Variants in RABL2B observed in about 807,000 individuals in gnomAD.
RABL2B encodes the protein RAB, member of RAS oncogene family like 2B.
Under a neutral mutation model 26.7 loss-of-function variants are expected in RABL2B, and 17 were observed. That is an observed-to-expected ratio of 0.64 (90% CI 0.44 to 0.95). The LOEUF (loss-of-function observed/expected upper bound fraction) is 0.95. Among genes scored for constraint, RABL2B ranks in the 40% least tolerant of loss-of-function variants. The pLI, the probability that RABL2B is intolerant of heterozygous loss-of-function variation, is 0.00. For synonymous variants in RABL2B, 70 were observed against 103.9 expected (o/e 0.67, Z 1.99); for missense variants, 170 against 277.2 (o/e 0.61, Z 2.75).
rs1323583754 is a variant in RABL2B, at chr22:50,768,399, G to C, written c.*377C>G. The C allele has an allele frequency of 3.2e-6, 1 of 315,264 alleles. No homozygotes were observed. Among genetic ancestry groups the C allele is most frequent in the African/African-American group, 2.2e-5 (1 of 45,536 alleles). The allele number at this position is 315,264 out of a possible 1,614,324, so 19.5% of individuals were successfully genotyped here. A position where few individuals can be genotyped will look rare whatever the true frequency, so the allele number is the denominator to read the frequency against. ...GCCCAAGGAATTGTCCCCGAGGTGA[G>C]CTTTGGAAAGAAAACAAAAACAAAA... On this transcript the variant is annotated 3_prime_UTR_variant, in exon 9 of 9. Coordinates refer to ENST00000691320, the MANE Select transcript of RABL2B (RefSeq NM_001130919.3).
intron 5 of RABL2B, among the ~76,000 whole-genome samples, chr22:50,775,484 T>C (rs1555922740): frequency 6.6e-6 from 1 of 152,184 alleles, no homozygotes; most frequent in Non-Finnish European, 1.5e-5. Context: ...AGAGGGACGG[T>C]GGCCCTGTTT....
intron 2 of RABL2B, among the ~76,000 whole-genome samples, chr22:50,781,803 T>G (rs2085926821): frequency 6.6e-6 from 1 of 151,018 alleles, no homozygotes; most frequent in Non-Finnish European, 1.5e-5. Flanking sequence ...TTTCTCTATT[T>G]CAGAGAGTCC....
At chr22:50,781,409 A>AGAG (rs782739257) in intron 2 of RABL2B, among the ~76,000 whole-genome samples, 2 of 150,792 alleles carry the variant, frequency 1.3e-5, no homozygotes, top group Non-Finnish European at 3.0e-5. Context: ...GAAGAGAGAG[A>AGAG]GAGAGAGAGA....
At chr22:50,779,542 G>T (rs1432912388) in intron 2 of RABL2B, among the ~76,000 whole-genome samples, 5 of 150,024 alleles carry the variant, frequency 3.3e-5, no homozygotes, top group East Asian at 3.9e-4. Flanking sequence ...AGTTTTGGGT[G>T]GGGGGGGTGT....
chr22:50,768,545 C>T lies in RABL2B; in HGVS notation c.*231G>A, dbSNP rs1555915541. 4.5e-6 allele frequency: 5 copies of T among 1,104,968 alleles called. No individual in the cohort carries two copies. The highest frequency in any genetic ancestry group is 1.6e-5 in the African/African-American group (1 of 61,850). 68.4% of individuals were successfully genotyped at this position (1,104,968 alleles called of 1,614,324 possible). On this transcript the variant is annotated 3_prime_UTR_variant, in exon 9 of 9. Transcript: ENST00000691320. Reference sequence around the variant, plus strand: ...GGGGAAGGTGTTAATGATGCTGATCCCTACTTCTGCTTCAAGGAGATCTGG... The same window carrying T: ...GGGGAAGGTGTTAATGATGCTGATCTCTACTTCTGCTTCAAGGAGATCTGG...
At chr22:50,772,535 G>A in intron 5 of RABL2B, 1 of 992,022 alleles carries the variant, frequency 1.0e-6, no homozygotes, top group Non-Finnish European at 1.2e-6. Flanking sequence ...TGTAACCGCT[G>A]GCACAGCTGA....
At chr22:50,771,331 C>T (rs1277152105) in intron 5 of RABL2B, 9 of 150,420 alleles carry the variant, frequency 6.0e-5, no homozygotes, top group African/African-American at 2.2e-4. Context: ...AGTGCAGTGG[C>T]GCTATCTTGG....
At chr22:50,775,147 G>A (rs576783355) in intron 5 of RABL2B, among the ~76,000 whole-genome samples, 8 of 152,220 alleles carry the variant, frequency 5.3e-5, no homozygotes, top group Non-Finnish European at 1.0e-4. Context: ...GTGGTGGCCT[G>A]AGAACCCAGC....
At chr22:50,778,999 CAAAG>C (rs2085399986) in intron 2 of RABL2B, among the ~76,000 whole-genome samples, 1 of 151,100 alleles carries the variant, frequency 6.6e-6, no homozygotes, top group African/African-American at 2.4e-5. Flanking sequence ...GAAAATTACA[CAAAG>C]AAATTACCGC....
intron 5 of RABL2B, chr22:50,772,707 C>T: frequency 1.9e-6 from 2 of 1,047,600 alleles, no homozygotes; most frequent in Non-Finnish European, 2.3e-6. Flanking sequence ...TTCAATGAAT[C>T]ACCAGGTTGT....
At chr22:50,770,876 A>G (rs2146988197) in intron 5 of RABL2B, among the ~76,000 whole-genome samples, 1 of 147,938 alleles carries the variant, frequency 6.8e-6, no homozygotes, top group Non-Finnish European at 1.5e-5. Context: ...TCAGCCTCCC[A>G]AGTAGCACGC....
chr22:50,768,414 C>T lies in RABL2B; in HGVS notation c.*362G>A. On this transcript the variant is annotated 3_prime_UTR_variant, in exon 9 of 9. Transcript: ENST00000691320. ...CCCGAGGTGAGCTTTGGAAAGAAAA[C>T]AAAAACAAAAACAAAAACACCAAAA... The T allele has an allele frequency of 3.1e-6, 1 of 323,590 alleles. No homozygotes were observed. The highest frequency in any genetic ancestry group is 8.4e-5 in the East Asian group (1 of 11,970). 20.0% of individuals were successfully genotyped at this position (323,590 alleles called of 1,614,324 possible).
Position 50,768,764 on chromosome 22 carries a change from A to T in RABL2B, c.*12T>A, listed in dbSNP as rs781864259. The T allele has an allele frequency of 6.2e-7, 1 of 1,613,788 alleles. No individual in the cohort carries two copies. The highest frequency in any genetic ancestry group is 8.5e-7 in the Non-Finnish European group (1 of 1,179,838). Reference sequence around the variant, plus strand: ...TTTTAAAAGGGCTCCACCCACCCCTAGCCCCAGCCCCTCAGCTGTGGGGAG... The same window carrying T: ...TTTTAAAAGGGCTCCACCCACCCCTTGCCCCAGCCCCTCAGCTGTGGGGAG... On this transcript the variant is annotated 3_prime_UTR_variant, in exon 9 of 9. Transcript: ENST00000691320.
intron 2 of RABL2B, among the ~76,000 whole-genome samples, chr22:50,781,111 T>C (rs1209877266): frequency 5.3e-5 from 8 of 151,872 alleles, no homozygotes; most frequent in South Asian, 2.1e-4. Context: ...GAGGCTGAGG[T>C]GGGCGGATCA....
At chr22:50,773,752 T>C (rs1422100061) in intron 5 of RABL2B, among the ~76,000 whole-genome samples, 2 of 151,268 alleles carry the variant, frequency 1.3e-5, no homozygotes, top group African/African-American at 4.9e-5. Flanking sequence ...CCCTCTGCTA[T>C]TGCTTCTTAC....
chr22:50,779,271 C>A (rs1179605182), intron 2 of RABL2B, among the ~76,000 whole-genome samples: 1 of 151,618 alleles, frequency 6.6e-6, no homozygotes, highest in Non-Finnish European at 1.5e-5. Flanking sequence ...TAGCAGAGAA[C>A]CAGCTCGGCA....
At position 50,769,131 on chromosome 22, in the gene RABL2B, G is replaced by T. The variant is rs2083766629; in HGVS notation, c.508-7C>A. 3 of 726,564 alleles carry T rather than the reference G, an allele frequency of 4.1e-6. No individual in the cohort carries two copies. Among genetic ancestry groups the T allele is most frequent in the Non-Finnish European group, 6.9e-6 (3 of 432,866 alleles). 45.0% of individuals were successfully genotyped at this position (726,564 alleles called of 1,614,324 possible). On this transcript the variant is annotated splice_region_variant and splice_polypyrimidine_tract_variant and intron_variant, in intron 7 of 8. Coordinates refer to ENST00000691320, the MANE Select transcript of RABL2B (RefSeq NM_001130919.3). ...GAATTGCATCATTGAAGAGCTGGGG[G>T]TGAGGTAGAGATGGTGGATGAGAGT... is the stretch of plus-strand genomic sequence containing the variant.
intron 5 of RABL2B, chr22:50,771,609 T>A (rs1362265727): frequency 2.0e-5 from 3 of 151,536 alleles, no homozygotes; most frequent in African/African-American, 7.3e-5. Context: ...TACTTCTTTG[T>A]TCTTTCTGCT....
rs183314795 is a variant in RABL2B at position 50,778,455 on chromosome 22, C to T, written c.108-474G>A. On this transcript the variant is annotated intron_variant, in intron 2 of 8. Transcript: ENST00000691320. The stretch of plus-strand genomic sequence containing the variant: ...AAAATTAGCCAGGTGTGGCGACACA[C>T]GCCTGTGATCCCAGCTACTCAGGAG... 3.8e-3 allele frequency among the ~76,000 whole-genome samples: 582 copies of T among 151,804 alleles called. 6 individuals carry two copies. The highest frequency in any genetic ancestry group is 0.014 in the African/African-American group (562 of 41,234).
Sources: allele counts gnomAD v4.1 joint callset (sites outside exome capture counted in the v4.1 genomes callset), GRCh38; gene constraint gnomAD v4.1.1; transcripts MANE v1.5; gene names NCBI Gene and HGNC (gene_info 2026-07-23, HGNC 2026-07-21).